The following CEACAM7 variants were observed in gnomAD, a reference collection of about 807,000 sequenced individuals.
The protein encoded by CEACAM7 is CEA cell adhesion molecule 7, also known as cell adhesion molecule CEACAM7.
In CEACAM7, 24 loss-of-function variants were observed where a neutral mutation model predicts 25.7. The observed-to-expected ratio is 0.93, with a 90% CI of 0.68 to 1.31. The LOEUF (loss-of-function observed/expected upper bound fraction) is 1.31, where lower values mean the gene tolerates loss of function less well. CEACAM7 is among the 40% of genes most tolerant of loss of function. CEACAM7 has a pLI of 0.00. For synonymous variants in CEACAM7, 144 were observed against 129.4 expected (o/e 1.11, Z -0.77); for missense variants, 324 against 330.1 (o/e 0.98, Z 0.14).
At chr19:41,681,563 G>A (rs1274155988) in intron 3 of CEACAM7, among the ~76,000 whole-genome samples, 1 of 152,048 alleles carries the variant, frequency 6.6e-6, no homozygotes, top group Non-Finnish European at 1.5e-5. Flanking sequence ...GAGGCAAAAT[G>A]AAATATATCC....
intron 3 of CEACAM7, among the ~76,000 whole-genome samples, chr19:41,681,324 G>A (rs886355558): frequency 3.9e-5 from 6 of 152,154 alleles, no homozygotes; most frequent in Non-Finnish European, 7.3e-5. Flanking sequence ...GTGCATTGCC[G>A]GTGGGAGTGT....
intron 4 of CEACAM7, among the ~76,000 whole-genome samples, chr19:41,676,882 T>C (rs2072119084): frequency 6.6e-6 from 1 of 151,496 alleles, no homozygotes; most frequent in South Asian, 2.1e-4. Flanking sequence ...TACTCAGGAG[T>C]AGTGGTAAAG....
In CEACAM7 at chr19:41,683,900, G is replaced by T; in HGVS notation, c.591C>A (p.Asp197Glu). The stretch of plus-strand genomic sequence containing the variant: ...CGCTGAGTAGAACGAGGGTCCTGTT[G>T]TCAGTGGAGAGCAGCAGCCTGGGAC... ...LVSPRLLLST[D>E]NRTLVLLSAT... The change falls in exon 3 of 5, where the codon GAC (aspartate) becomes GAA (glutamate). Residue 197 changes from aspartate to glutamate, a missense_variant. By Grantham distance (45) the Asp-to-Glu change is conservative. Coordinates refer to ENST00000401731, the MANE Select transcript of CEACAM7 (RefSeq NM_001291485.2). 6.2e-7 allele frequency: 1 copy of T among 1,614,210 alleles called. No homozygotes were observed. The highest frequency in any genetic ancestry group is 8.5e-7 in the Non-Finnish European group (1 of 1,180,034).
At chr19:41,678,174 C>T (rs2072135287) in intron 3 of CEACAM7, among the ~76,000 whole-genome samples, 1 of 152,066 alleles carries the variant, frequency 6.6e-6, no homozygotes, top group East Asian at 1.9e-4. Context: ...TGTCTAATCC[C>T]ATCTTGACTG....
chr19:41,684,138 T>A, intron 2 of CEACAM7, 75 bp from the exon 3 acceptor site: 1 of 1,527,522 alleles, frequency 6.5e-7, no homozygotes, highest in South Asian at 1.2e-5. Context: ...TCAATCAGAG[T>A]TGGCATCTCC....
intron 3 of CEACAM7, among the ~76,000 whole-genome samples, chr19:41,682,594 G>A (rs181352422): frequency 6.4e-4 from 98 of 152,222 alleles, no homozygotes; most frequent in African/African-American, 2.3e-3. Flanking sequence ...AGGACAGGTC[G>A]CCCAAGCACC....
Position 41,683,918 on chromosome 19 carries a change from C to G in CEACAM7, c.573G>C (p.Arg191Ser). Residue 191 changes from arginine to serine, a missense_variant, in exon 3 of 5, where the codon AGG (arginine) becomes AGC (serine). Arg to Ser is a moderately radical substitution (Grantham distance 110, BLOSUM62 -1). Transcript: ENST00000401731. ...VNNQSLLVSP[R>S]LLLSTDNRTL... Reference sequence around the variant, plus strand: ...TCCTGTTGTCAGTGGAGAGCAGCAGCCTGGGACTGACCAGGAGGCTCTGAT... The same window carrying G: ...TCCTGTTGTCAGTGGAGAGCAGCAGGCTGGGACTGACCAGGAGGCTCTGAT... 6.2e-7 allele frequency: 1 copy of G among 1,614,164 alleles called. No homozygotes were observed. The highest frequency in any genetic ancestry group is 1.3e-5 in the African/African-American group (1 of 75,024).
rs1360351977 is a variant in CEACAM7, at chr19:41,683,830, G to A, written c.661C>T (p.Pro221Ser). 6.2e-7 allele frequency: 1 copy of A among 1,614,170 alleles called. No individual in the cohort carries two copies. The highest frequency in any genetic ancestry group is 1.7e-5 in the Admixed American group (1 of 60,034). The change falls in exon 3 of 5, where the codon CCA becomes TCA. Residue 221 changes from proline (P) to serine (S), a missense_variant. Physicochemically the swap from Pro to Ser is moderately conservative, Grantham distance 74. Coordinates refer to ENST00000401731, the MANE Select transcript of CEACAM7 (RefSeq NM_001291485.2). ...IGPYECEIQN[P>S]VGASRSDPVT... Reference sequence around the variant, plus strand: ...GGGTCACTGCGGCTGGCACCCACTGGGTTCTGTATTTCACATTCATAGGGT... The same window carrying A: ...GGGTCACTGCGGCTGGCACCCACTGAGTTCTGTATTTCACATTCATAGGGT...
chr19:41,685,853 G>A (rs540723471), intron 2 of CEACAM7, among the ~76,000 whole-genome samples: 2 of 152,142 alleles, frequency 1.3e-5, no homozygotes, highest in Non-Finnish European at 2.9e-5. Context: ...TCCCACTTCT[G>A]GCTTGGATGC....
chr19:41,676,034 A>G (rs2072110710), intron 4 of CEACAM7, among the ~76,000 whole-genome samples: 1 of 152,184 alleles, frequency 6.6e-6, no homozygotes, highest in Non-Finnish European at 1.5e-5. Context: ...ATGGCCAACA[A>G]TGTATAAGCT....
chr19:41,683,357 G>A (rs2072194065), intron 3 of CEACAM7, among the ~76,000 whole-genome samples: 1 of 152,188 alleles, frequency 6.6e-6, no homozygotes, highest in Non-Finnish European at 1.5e-5. Flanking sequence ...TAACTCGTAA[G>A]ATATAACTGG....
Position 41,685,100 on chromosome 19 carries a change from G to A in CEACAM7, c.428-1037C>T, listed in dbSNP as rs546179466. Among the ~76,000 whole-genome samples the A allele has an allele frequency of 2.0e-5, 3 of 152,294 alleles. No individual in the cohort carries two copies. The East Asian group carries it at 5.8e-4, about 29-fold the overall frequency. On this transcript the variant is annotated intron_variant, in intron 2 of 4. Coordinates refer to ENST00000401731, the MANE Select transcript of CEACAM7 (RefSeq NM_001291485.2). The stretch of plus-strand genomic sequence containing the variant: ...GCCGCTGCACCTGGAGGAGGTCCCA[G>A]GAATGACTGGAGGACCTTAGCCCCA...
chr19:41,684,969 G>A (rs972096911), intron 2 of CEACAM7, among the ~76,000 whole-genome samples: 4 of 152,198 alleles, frequency 2.6e-5, no homozygotes, highest in African/African-American at 9.7e-5. Flanking sequence ...CCAGTGGCTG[G>A]TGCAGTTCCC....
chr19:41,682,862 G>C lies in CEACAM7; in HGVS notation c.706+923C>G, dbSNP rs563349923. Among the ~76,000 whole-genome samples the C allele has an allele frequency of 2.0e-5, 3 of 152,348 alleles. No homozygotes were observed. The East Asian group carries it at 5.8e-4, about 29-fold the overall frequency. ...GAGAGAACCCTTAAGGACCCTTCCT[G>C]CTTTTCCCTCTGTGAAGCTCTTTCC... is the stretch of plus-strand genomic sequence containing the variant. On this transcript the variant is annotated intron_variant, in intron 3 of 4. Coordinates refer to ENST00000401731, the MANE Select transcript of CEACAM7 (RefSeq NM_001291485.2).
At position 41,687,631 on chromosome 19, in the gene CEACAM7, G is replaced by T. The variant is rs80242659; in HGVS notation, c.65-410C>A. Among the ~76,000 whole-genome samples, 382 of 152,334 alleles carry T rather than the reference G, an allele frequency of 2.5e-3. 1 individual carries two copies. The highest frequency in any genetic ancestry group is 8.5e-3 in the African/African-American group (355 of 41,572). ...TGCCTGTCTGTCTTCTGCCGCATGA[G>T]AGCGTGAGCTCTGTGAGGGCAGGGA... On this transcript the variant is annotated intron_variant, in intron 1 of 4. Coordinates refer to ENST00000401731, the MANE Select transcript of CEACAM7 (RefSeq NM_001291485.2).
intron 4 of CEACAM7, among the ~76,000 whole-genome samples, chr19:41,676,393 C>T (rs2072114037): frequency 6.6e-6 from 1 of 152,178 alleles, no homozygotes; most frequent in Non-Finnish European, 1.5e-5. Flanking sequence ...CAGGGTCTTG[C>T]TCTGTGGCCC....
Position 41,683,973 on chromosome 19 carries a change from T to C in CEACAM7, c.518A>G (p.Gln173Arg). ...IVVLTCQPET[Q>R]NTTYLWWVNN... The stretch of plus-strand genomic sequence containing the variant: ...TACCCACCACAGGTAGGTTGTGTTC[T>C]GAGTCTCAGGTTGACAGGTTAAAAC... Residue 173 changes from glutamine to arginine, a missense_variant, in exon 3 of 5, where the codon CAG (glutamine) becomes CGG (arginine). Transcript: ENST00000401731. 1 of 1,614,208 alleles carries C rather than the reference T, an allele frequency of 6.2e-7. No homozygotes were observed. Among genetic ancestry groups the C allele is most frequent in the Non-Finnish European group, 8.5e-7 (1 of 1,180,030 alleles).
rs782652245 is a variant in CEACAM7 at position 41,687,235 on chromosome 19, A to G, written c.65-14T>C. 1.0e-5 allele frequency: 16 copies of G among 1,578,180 alleles called. No homozygotes were observed. Among genetic ancestry groups the G allele is most frequent in the Non-Finnish European group, 1.4e-5 (16 of 1,162,164 alleles). On this transcript the variant is annotated splice_polypyrimidine_tract_variant and intron_variant, in intron 1 of 4. Coordinates refer to ENST00000401731, the MANE Select transcript of CEACAM7 (RefSeq NM_001291485.2). ...TTAAAAGCGAGGCTAGGAGGGGGAGAGAACATCAGTCAATATTGGGACCTA... is the reference window on the plus strand; with the variant it reads ...TTAAAAGCGAGGCTAGGAGGGGGAGGGAACATCAGTCAATATTGGGACCTA...
rs2072231001 is a variant in CEACAM7 at position 41,686,888 on chromosome 19, T to A, written c.398A>T (p.Glu133Val). 6.5e-7 allele frequency: 1 copy of A among 1,532,454 alleles called. No homozygotes were observed. The highest frequency in any genetic ancestry group is 8.7e-7 in the Non-Finnish European group (1 of 1,143,074). The allele number at this position is 1,532,454 out of a possible 1,614,324, so 94.9% of individuals were successfully genotyped here. Residue 133 changes from glutamate to valine, a missense_variant, in exon 2 of 5, where the codon GAA (glutamate) becomes GTA (valine). Glu to Val is a moderately radical substitution (Grantham distance 121). Coordinates refer to ENST00000401731, the MANE Select transcript of CEACAM7 (RefSeq NM_001291485.2). ...LHVIKENLVN[E>V]EVTRQFYVFS... Reference sequence around the variant, plus strand: ...TACGTAGAATTGTCTGGTTACTTCTTCATTCACAAGATTTTCTTTTATAAC... The same window carrying A: ...TACGTAGAATTGTCTGGTTACTTCTACATTCACAAGATTTTCTTTTATAAC...
Sources: allele counts gnomAD v4.1 joint callset (sites outside exome capture counted in the v4.1 genomes callset), GRCh38; gene constraint gnomAD v4.1.1; transcripts MANE v1.5; gene names NCBI Gene and HGNC (gene_info 2026-07-23, HGNC 2026-07-21).